SGCD: variants seen among roughly 807,000 people sequenced by gnomAD.
SGCD encodes delta-sarcoglycan.
SGCD carries 18 observed loss-of-function variants against 36.6 expected under a neutral mutation model. The observed-to-expected ratio is 0.49, with a 90% CI of 0.34 to 0.73. SGCD has a LOEUF of 0.73. Ranked by LOEUF, SGCD falls within the 30% of genes least tolerant of loss-of-function variation. SGCD has a pLI of 0.01. For missense variants in SGCD, 387 were observed against 346.7 expected (o/e 1.12, Z -0.92); for synonymous variants, 133 against 130.6 (o/e 1.02, Z -0.12).
At chr5:156,295,832 A>G (rs1460662711) in intron 3 of SGCD, among the ~76,000 whole-genome samples, 1 of 152,224 alleles carries the variant, frequency 6.6e-6, no homozygotes, top group Non-Finnish European at 1.5e-5. Context: ...CTGATGAGGA[A>G]AGAAGCTAGT....
intron 3 of SGCD, among the ~76,000 whole-genome samples, chr5:156,285,038 C>T (rs1341270518): frequency 6.6e-6 from 1 of 152,146 alleles, no homozygotes; most frequent in Non-Finnish European, 1.5e-5. Context: ...AACACACAAA[C>T]AGAGAGCTAA....
chr5:156,147,647 A>G (rs1966638), intron 3 of SGCD, among the ~76,000 whole-genome samples: 112,403 of 152,164 alleles, frequency 0.74, 42,627 homozygotes, highest in East Asian at 0.95. Flanking sequence ...ATAATGCAGA[A>G]ACAAGAAATT....
At chr5:156,721,463 T>C (rs1408905959) in intron 7 of SGCD, among the ~76,000 whole-genome samples, 1 of 152,172 alleles carries the variant, frequency 6.6e-6, no homozygotes, top group Non-Finnish European at 1.5e-5. Flanking sequence ...TGCTGGAAGA[T>C]TGACTAATGA....
At chr5:156,321,411 C>T (rs1036662461) in intron 3 of SGCD, among the ~76,000 whole-genome samples, 8 of 150,966 alleles carry the variant, frequency 5.3e-5, no homozygotes, top group Non-Finnish European at 1.0e-4. Context: ...CAGAGCGAGA[C>T]TCCGACTGAA....
intron 3 of SGCD, among the ~76,000 whole-genome samples, chr5:156,423,274 AT>A (rs1773456524): frequency 3.9e-4 from 2 of 5,064 alleles, no homozygotes; most frequent in Non-Finnish European, 5.0e-4. Context: ...ATAATATAAC[AT>A]TATATTATAT....
the SGCD span, among the ~76,000 whole-genome samples, chr5:155,731,467 G>C: frequency 6.6e-6 from 1 of 152,174 alleles, no homozygotes; most frequent in South Asian, 2.1e-4. Context: ...ACATAGTCCA[G>C]ATCCTTAAGT....
intron 1 of SGCD, among the ~76,000 whole-genome samples, chr5:155,914,558 G>A (rs1756697967): frequency 6.6e-6 from 1 of 152,070 alleles, no homozygotes. Context: ...TTGATCACAG[G>A]CAATAAAGAA....
Position 156,518,089 on chromosome 5 carries a change from A to G in SGCD, c.294+9387A>G, listed in dbSNP as rs948998374. Among the ~76,000 whole-genome samples, 3 of 152,232 alleles carry G rather than the reference A, an allele frequency of 2.0e-5. No homozygotes were observed. In the South Asian group the frequency reaches 6.2e-4, roughly 31 times the overall value. ...GACCCATCAGTGTACTGTATTCAAG[A>G]GACCCATCTCACGTGCAAAGACACA... On this transcript the variant is annotated intron_variant, in intron 4 of 8. Coordinates refer to ENST00000337851, the MANE Select transcript of SGCD (RefSeq NM_000337.6).
At chr5:155,856,603 G>A in the SGCD span, among the ~76,000 whole-genome samples, 7 of 152,070 alleles carry the variant, frequency 4.6e-5, no homozygotes, top group East Asian at 5.8e-4. Flanking sequence ...TCACAGATCC[G>A]ATAAAGGATC....
chr5:155,840,613 C>T, the SGCD span, among the ~76,000 whole-genome samples: 5,215 of 149,124 alleles, frequency 0.035, 311 homozygotes, highest in African/African-American at 0.12. Flanking sequence ...TGTGTGTGCA[C>T]TTCTTACTAC....
intron 3 of SGCD, among the ~76,000 whole-genome samples, chr5:156,407,646 G>A (rs542716308): frequency 6.6e-6 from 1 of 152,202 alleles, no homozygotes; most frequent in Admixed American, 6.5e-5. Context: ...GCCATTACTG[G>A]TTTCATGAGG....
intron 4 of SGCD, among the ~76,000 whole-genome samples, chr5:156,534,228 C>T (rs998645031): frequency 6.6e-6 from 1 of 150,616 alleles, no homozygotes; most frequent in Admixed American, 6.6e-5. Flanking sequence ...TGGTCCTACT[C>T]AGCTCCATGG....
At chr5:155,952,075 A>G (rs867793803) in intron 1 of SGCD, among the ~76,000 whole-genome samples, 33 of 152,266 alleles carry the variant, frequency 2.2e-4, no homozygotes, top group African/African-American at 7.7e-4. Context: ...GATGGTAAAG[A>G]AAGAATAAAC....
intron 3 of SGCD, among the ~76,000 whole-genome samples, chr5:156,365,488 A>T (rs1346256840): frequency 1.3e-5 from 2 of 152,148 alleles, no homozygotes; most frequent in Non-Finnish European, 2.9e-5. Context: ...TGTACCCTGG[A>T]TGCAAAAATC....
At chr5:156,618,909 G>A (rs780778122) in intron 6 of SGCD, among the ~76,000 whole-genome samples, 3 of 152,134 alleles carry the variant, frequency 2.0e-5, no homozygotes, top group South Asian at 2.1e-4. Flanking sequence ...TGCAGCCCTC[G>A]GTGGTGCTCA....
the SGCD span, among the ~76,000 whole-genome samples, chr5:155,858,026 A>T: frequency 1.3e-5 from 2 of 151,928 alleles, no homozygotes; most frequent in African/African-American, 4.8e-5. Flanking sequence ...TCTCTTGTGT[A>T]GGCTTATTAA....
At chr5:156,560,239 G>A (rs980388218) in intron 4 of SGCD, among the ~76,000 whole-genome samples, 1 of 152,174 alleles carries the variant, frequency 6.6e-6, no homozygotes, top group Non-Finnish European at 1.5e-5. Context: ...CAAACATGCT[G>A]TAATGAGATT....
At chr5:156,027,698 C>T (rs1436740192) in intron 1 of SGCD, among the ~76,000 whole-genome samples, 1 of 152,082 alleles carries the variant, frequency 6.6e-6, no homozygotes, top group Non-Finnish European at 1.5e-5. Flanking sequence ...ACAGATGTTA[C>T]ATTATTTTGT....
At chr5:155,805,417 A>C in the SGCD span, among the ~76,000 whole-genome samples, 1 of 152,246 alleles carries the variant, frequency 6.6e-6, no homozygotes, top group Admixed American at 6.5e-5. Context: ...GCAGAGAGGC[A>C]GCATTTCTGG....
Sources: gnomAD v4.1 joint callset for allele counts (sites outside exome capture counted in the v4.1 genomes callset) on GRCh38, gnomAD v4.1.1 for gene constraint, MANE v1.5 for transcripts, NCBI Gene and HGNC (gene_info 2026-07-23, HGNC 2026-07-21) for gene names.